ARHGAP6: variants seen among roughly 807,000 people sequenced by gnomAD.
The protein encoded by ARHGAP6 is rho GTPase-activating protein 6.
In ARHGAP6, 16 loss-of-function variants were observed where a neutral mutation model predicts 55.7. The observed-to-expected ratio is 0.29, with a 90% CI of 0.19 to 0.44. The LOEUF (loss-of-function observed/expected upper bound fraction) is 0.44. Ranked by LOEUF, ARHGAP6 falls within the 20% of genes least tolerant of loss-of-function variation. The probability of loss-of-function intolerance (pLI) is 1.00; values close to 1 mark genes in which losing one functional copy is unlikely to be tolerated. For synonymous variants in ARHGAP6, 382 were observed against 360.9 expected, an observed-to-expected ratio of 1.06 and a Z score of -0.66; for missense variants, 698 against 808.9, an observed-to-expected ratio of 0.86 and a Z score of 1.66.
intron 1 of ARHGAP6, among the ~76,000 whole-genome samples, chrX:11,594,024 G>A (rs777571946): frequency 2.6e-4 from 29 of 112,323 alleles, no homozygotes; most frequent in Non-Finnish European, 4.5e-4. Flanking sequence ...CTTGACATAC[G>A]GTTCCCTGCT....
Position 11,139,135 on chromosome X carries a change from G to C in ARHGAP6, c.2653C>G (p.Pro885Ala). 4 of 1,206,070 alleles carry C rather than the reference G, an allele frequency of 3.3e-6. No homozygotes were observed. Among genetic ancestry groups the C allele is most frequent in the Non-Finnish European group, 4.5e-6 (4 of 893,490 alleles). ...RDDKRPPPPY[P>A]GPGKPAAAAA... ...GCTGCCGCGGGCTTCCCTGGGCCCGGGTATGGAGGCGGGGGCCGCTTGTCA... is the reference window on the plus strand; with the variant it reads ...GCTGCCGCGGGCTTCCCTGGGCCCGCGTATGGAGGCGGGGGCCGCTTGTCA... The change falls in exon 13 of 13, where the codon CCG (proline) becomes GCG (alanine). Residue 885 changes from proline (P) to alanine (A), a missense_variant. This residue lies in a region of ARHGAP6 where 212 missense variants were observed against 208.7 expected (regional missense o/e 1.02). Transcript: ENST00000337414.
chrX:11,177,032 G>A (rs1357388213), intron 8 of ARHGAP6, among the ~76,000 whole-genome samples: 1 of 112,248 alleles, frequency 8.9e-6, no homozygotes, highest in East Asian at 2.8e-4. Context: ...CAGTGCAGCT[G>A]AGCTTTGTTT....
intron 1 of ARHGAP6, among the ~76,000 whole-genome samples, chrX:11,522,221 G>T (rs2050937310): frequency 1.8e-5 from 2 of 111,241 alleles, no homozygotes; most frequent in Non-Finnish European, 3.8e-5. Context: ...GAATCTCTGG[G>T]ACACATTTAA....
chrX:11,552,599 T>TATATATATATATAAAC (rs1491079107), intron 1 of ARHGAP6, among the ~76,000 whole-genome samples: 1 of 48,230 alleles, frequency 2.1e-5, no homozygotes, highest in Non-Finnish European at 3.8e-5. Context: ...TATATATATA[T>TATATATATATATAAAC]AGACACACAC....
At chrX:11,174,877 G>C (rs978854488) in intron 8 of ARHGAP6, among the ~76,000 whole-genome samples, 3 of 107,013 alleles carry the variant, frequency 2.8e-5, no homozygotes, top group Admixed American at 1.0e-4. Flanking sequence ...TTTTTTAGTA[G>C]AGACAGGGTT....
At position 11,140,464 on chromosome X, in the gene ARHGAP6, C is replaced by T. The variant is rs376210498; in HGVS notation, c.2258-934G>A. Among the ~76,000 whole-genome samples, 27 of 109,073 alleles carry T rather than the reference C, an allele frequency of 2.5e-4. No individual in the cohort carries two copies. The South Asian group carries it at 0.011, about 44-fold the overall frequency. The allele number at this position is 109,073 out of a possible 115,157, so 94.7% of individuals were successfully genotyped here. On this transcript the variant is annotated intron_variant, in intron 12 of 12. Coordinates refer to ENST00000337414, the MANE Select transcript of ARHGAP6 (RefSeq NM_013427.3). ...AAAAAAAAAACTAAACGAATGCCTT[C>T]CTACTGATCTTTGCTTTCCCCCTTC...
At chrX:11,240,364 A>C (rs796908904) in intron 2 of ARHGAP6, among the ~76,000 whole-genome samples, 1 of 112,070 alleles carries the variant, frequency 8.9e-6, no homozygotes, top group African/African-American at 3.2e-5. Flanking sequence ...TAGGAAAGCG[A>C]AACCAGTGGG....
At chrX:11,252,785 A>G (rs1463101720) in intron 2 of ARHGAP6, among the ~76,000 whole-genome samples, 1 of 111,960 alleles carries the variant, frequency 8.9e-6, no homozygotes, top group Non-Finnish European at 1.9e-5. Flanking sequence ...ATAACCTCCA[A>G]TGGAGTCTCA....
chrX:11,303,377 G>A (rs1024959322), intron 1 of ARHGAP6, among the ~76,000 whole-genome samples: 2 of 112,123 alleles, frequency 1.8e-5, no homozygotes, highest in African/African-American at 6.5e-5. Context: ...TCTTCCAGAC[G>A]ATAAATAATT....
At chrX:11,225,827 G>A in intron 2 of ARHGAP6, 1 of 284,352 alleles carries the variant, frequency 3.5e-6, no homozygotes, top group Non-Finnish European at 6.4e-6. Context: ...AAGACAGTCT[G>A]CTTGTTTCTG....
chrX:11,523,436 A>G (rs979026281), intron 1 of ARHGAP6, among the ~76,000 whole-genome samples: 2 of 111,430 alleles, frequency 1.8e-5, no homozygotes, highest in African/African-American at 6.5e-5. Flanking sequence ...GAAAAGAGGA[A>G]GTCAAATTGT....
At chrX:11,359,073 T>C (rs1259344779) in intron 1 of ARHGAP6, among the ~76,000 whole-genome samples, 2 of 112,173 alleles carry the variant, frequency 1.8e-5, no homozygotes, top group African/African-American at 3.2e-5. Context: ...CATTAATAAC[T>C]CTTTGTTATA....
At chrX:11,513,129 C>T (rs915911911) in intron 1 of ARHGAP6, among the ~76,000 whole-genome samples, 2 of 111,540 alleles carry the variant, frequency 1.8e-5, no homozygotes, top group Non-Finnish European at 3.8e-5. Context: ...ATCCACTCAA[C>T]TGATGATTGC....
chrX:11,578,680 G>A (rs1406148313), intron 1 of ARHGAP6, among the ~76,000 whole-genome samples: 1 of 111,615 alleles, frequency 9.0e-6, no homozygotes, highest in African/African-American at 3.3e-5. Context: ...CCATTACTGG[G>A]TATATACCCA....
intron 1 of ARHGAP6, among the ~76,000 whole-genome samples, chrX:11,402,411 CTAGAT>C (rs781090029): frequency 9.0e-6 from 1 of 110,958 alleles, no homozygotes; most frequent in Non-Finnish European, 1.9e-5. Context: ...ACTTTATATA[CTAGAT>C]TAATTAACAA....
chrX:11,198,835 G>C (rs1242212792), intron 2 of ARHGAP6, among the ~76,000 whole-genome samples: 1 of 112,285 alleles, frequency 8.9e-6, no homozygotes, highest in East Asian at 2.8e-4. Context: ...GCCAAGTTAA[G>C]CCAAGTTAAG....
intron 8 of ARHGAP6, among the ~76,000 whole-genome samples, chrX:11,173,986 T>C (rs1425697555): frequency 3.6e-5 from 4 of 111,779 alleles, no homozygotes; most frequent in Non-Finnish European, 7.5e-5. Flanking sequence ...AAATAGATAA[T>C]ACATACTAAA....
chrX:11,170,920 A>G (rs1279850841), intron 8 of ARHGAP6, among the ~76,000 whole-genome samples: 4 of 111,199 alleles, frequency 3.6e-5, no homozygotes, highest in Non-Finnish European at 5.7e-5. Context: ...TGAGTTATCA[A>G]CTGTGGCAGA....
chrX:11,437,590 T>C lies in ARHGAP6; in HGVS notation c.589-182883A>G, dbSNP rs760120593. On this transcript the variant is annotated intron_variant, in intron 1 of 12. Transcript: ENST00000337414. ...GGAATAAAGCCAAGTAAGGGTGTGA[T>C]TTCTAGCAAAGTCCCAGTCTCAGTC... 2.7e-5 allele frequency among the ~76,000 whole-genome samples: 3 copies of C among 111,988 alleles called. No homozygotes were observed. In the Admixed American group the frequency reaches 2.8e-4, roughly 11 times the overall value.
Sources: allele counts gnomAD v4.1 joint callset (sites outside exome capture counted in the v4.1 genomes callset), GRCh38; gene constraint gnomAD v4.1.1; regional missense constraint gnomAD v4.1.1; transcripts MANE v1.5; gene names NCBI Gene and HGNC (gene_info 2026-07-23, HGNC 2026-07-21).